The following ECRG4 variants were observed in gnomAD, a reference collection of about 807,000 sequenced individuals.
The protein encoded by ECRG4 is ECRG4 augurin precursor.
In ECRG4, 18 loss-of-function variants were observed where a neutral mutation model predicts 15.8. The observed-to-expected ratio is 1.14, with a 90% CI of 0.79 to 1.69. The LOEUF (loss-of-function observed/expected upper bound fraction) is 1.69. Ranked by LOEUF, ECRG4 falls within the 40% of genes most tolerant of loss-of-function variation. The pLI is 0.00. For missense variants in ECRG4, 200 were observed against 190.9 expected (o/e 1.05, Z -0.28); for synonymous variants, 82 against 73.9 (o/e 1.11, Z -0.56).
At chr2:106,063,941 A>G (rs1277273669), upstream of ECRG4, among the ~76,000 whole-genome samples, 2 of 152,332 alleles carry the variant, frequency 1.3e-5, no homozygotes, top group South Asian at 2.1e-4. Flanking sequence ...ATTTGGGGTA[A>G]GGGGGATGAT....
rs1380405337 is a variant in ECRG4, at chr2:106,071,348, A to G, written c.80-496A>G. On this transcript the variant is annotated intron_variant, in intron 1 of 3. Coordinates refer to ENST00000238044, the MANE Select transcript of ECRG4 (RefSeq NM_032411.3). ...AAAAAAAAAAAAAAAAAAAAAAAAA[A>G]AAAAGAAAGAAAGAAAAGAAAAGAA... Among the ~76,000 whole-genome samples, 71 of 140,010 alleles carry G rather than the reference A, an allele frequency of 5.1e-4. 1 individual carries two copies. Among genetic ancestry groups the G allele is most frequent in the African/African-American group, 1.7e-3 (64 of 38,562 alleles). 91.9% of individuals were successfully genotyped at this position (140,010 alleles called of 152,430 possible). A position where few individuals can be genotyped will look rare whatever the true frequency, so the allele number is the denominator to read the frequency against.
chr2:106,076,487 A>T (rs922605065), intron 3 of ECRG4, among the ~76,000 whole-genome samples: 4 of 152,028 alleles, frequency 2.6e-5, no homozygotes, highest in African/African-American at 9.7e-5. Flanking sequence ...GATGATTCAG[A>T]CCCCAGGTAT....
At chr2:106,064,280 G>C (rs1676156231), upstream of ECRG4, 1 of 152,172 alleles carries the variant, frequency 6.6e-6, no homozygotes, top group Non-Finnish European at 1.5e-5. Flanking sequence ...GTCTTTACTA[G>C]CTCAATGTTA....
upstream of ECRG4, chr2:106,065,530 T>A (rs1268613565): frequency 5.5e-6 from 2 of 363,916 alleles, no homozygotes; most frequent in Non-Finnish European, 4.9e-6. Flanking sequence ...GGGGCTGCGT[T>A]CCCCTTGGGG....
intron 1 of ECRG4, among the ~76,000 whole-genome samples, chr2:106,069,631 A>G (rs1185363477): frequency 6.6e-6 from 1 of 152,158 alleles, no homozygotes; most frequent in East Asian, 1.9e-4. Flanking sequence ...CACCACACCC[A>G]GCTCCACAAG....
upstream of ECRG4, chr2:106,065,668 G>T (rs1046854669): frequency 3.2e-6 from 3 of 935,766 alleles, no homozygotes; most frequent in Non-Finnish European, 2.9e-6. Flanking sequence ...GATAACCCGC[G>T]GCCGCGCCTG....
intron 3 of ECRG4, 72 bp from the exon 4 acceptor site, chr2:106,077,693 A>G: frequency 7.5e-7 from 1 of 1,340,528 alleles, no homozygotes; most frequent in Non-Finnish European, 1.0e-6. Context: ...GAAAAGCCAT[A>G]GGTAAGATTA....
intron 2 of ECRG4, chr2:106,072,203 A>G (rs1299581050): frequency 8.2e-6 from 2 of 243,528 alleles, no homozygotes; most frequent in African/African-American, 4.5e-5. Flanking sequence ...TTTAGAGACT[A>G]TCTTTGGAAC....
At chr2:106,073,853 T>C (rs772725290) in intron 2 of ECRG4, 33 bp from the exon 3 acceptor site, 5 of 1,608,134 alleles carry the variant, frequency 3.1e-6, no homozygotes, top group Admixed American at 1.7e-5. Flanking sequence ...AGTCATTCTT[T>C]GTGCTTTGGG....
At position 106,077,745 on chromosome 2, in the gene ECRG4, TTCTC is replaced by T. The variant is rs1357338031; in HGVS notation, c.286-14_286-11del. 1 of 1,611,854 alleles carries T rather than the reference TTCTC, an allele frequency of 6.2e-7. No individual in the cohort carries two copies. Among genetic ancestry groups the T allele is most frequent in the Non-Finnish European group, 8.5e-7 (1 of 1,178,192 alleles). ...ATGACCTTAAATCCATTCTCTATCATTCTCTCTCTTTTCCTCCAGAAATTTGAAG... is the reference window on the plus strand; with the variant it reads ...ATGACCTTAAATCCATTCTCTATCATTCTCTTTTCCTCCAGAAATTTGAAG... On this transcript the variant is annotated splice_polypyrimidine_tract_variant and intron_variant, in intron 3 of 3. Coordinates refer to ENST00000238044, the MANE Select transcript of ECRG4 (RefSeq NM_032411.3).
At chr2:106,067,058 CCGGGGG>C (rs917244045) in intron 1 of ECRG4, among the ~76,000 whole-genome samples, 1 of 3,398 alleles carries the variant, frequency 2.9e-4, no homozygotes, top group African/African-American at 1.7e-3. Context: ...CTTTGGGAGG[CCGGGGG>C]GGGGGGGGGG....
upstream of ECRG4, chr2:106,063,432 A>C (rs1205710545): frequency 6.6e-6 from 1 of 152,246 alleles, no homozygotes; most frequent in Admixed American, 6.5e-5. Flanking sequence ...ATACCGTTGA[A>C]CAAATAGACA....
chr2:106,077,794 T>C lies in ECRG4; in HGVS notation c.315T>C (p.Leu105=), dbSNP rs747271289. ...TTGAAGATGACATCACCTATTGGCT[T>C]AACAGAGATCGAAATGGACATGAAT... ...AKFEDDITYW[L]NRDRNGHEYY... is the part of the protein sequence containing the mutation. The change falls in exon 4 of 4, where the codon CTT becomes CTC. Residue 105 remains leucine, a synonymous_variant. Transcript: ENST00000238044. 98 of 1,613,952 alleles carry C rather than the reference T, an allele frequency of 6.1e-5. No individual in the cohort carries two copies. The Middle Eastern group carries it at 1.2e-3, about 19-fold the overall frequency.
At chr2:106,072,635 AG>A (rs1406747518) in intron 2 of ECRG4, among the ~76,000 whole-genome samples, 1 of 152,228 alleles carries the variant, frequency 6.6e-6, no homozygotes, top group Admixed American at 6.5e-5. Context: ...TGGGGTCCTC[AG>A]TCATTCTTCC....
chr2:106,077,806 A>G lies in ECRG4; in HGVS notation c.327A>G (p.Arg109=). The change falls in exon 4 of 4, where the codon CGA becomes CGG. Residue 109 remains arginine (R), a synonymous_variant. Coordinates refer to ENST00000238044, the MANE Select transcript of ECRG4 (RefSeq NM_032411.3). ...DDITYWLNRD[R]NGHEYYGDYY... ...TCACCTATTGGCTTAACAGAGATCG[A>G]AATGGACATGAATACTATGGCGATT... The G allele has an allele frequency of 6.8e-6, 11 of 1,614,140 alleles. No individual in the cohort carries two copies. Among genetic ancestry groups the G allele is most frequent in the Non-Finnish European group, 9.3e-6 (11 of 1,180,012 alleles).
upstream of ECRG4, chr2:106,065,650 G>C: frequency 5.4e-6 from 4 of 735,924 alleles, no homozygotes; most frequent in Non-Finnish European, 7.8e-6. Flanking sequence ...CCCCGGCAGC[G>C]ACGCAGGGAT....
chr2:106,069,834 G>A (rs1030251139), intron 1 of ECRG4, among the ~76,000 whole-genome samples: 1 of 152,154 alleles, frequency 6.6e-6, no homozygotes, highest in Non-Finnish European at 1.5e-5. Flanking sequence ...ATGGAACAGC[G>A]ACAGGACAGT....
chr2:106,076,660 G>A (rs1439822426), intron 3 of ECRG4, among the ~76,000 whole-genome samples: 2 of 152,142 alleles, frequency 1.3e-5, no homozygotes, highest in African/African-American at 4.8e-5. Flanking sequence ...ATGTTCATTG[G>A]CAGTCTTGTT....
At chr2:106,068,217 C>T (rs1676266839) in intron 1 of ECRG4, among the ~76,000 whole-genome samples, 1 of 152,096 alleles carries the variant, frequency 6.6e-6, no homozygotes, top group Admixed American at 6.5e-5. Flanking sequence ...TAAGCACCTT[C>T]AAAGGAGCAT....
Sources: allele counts gnomAD v4.1 joint callset (sites outside exome capture counted in the v4.1 genomes callset), GRCh38; gene constraint gnomAD v4.1.1; transcripts MANE v1.5; gene names NCBI Gene and HGNC (gene_info 2026-07-23, HGNC 2026-07-21).